Variants in ZNF654 observed in about 807,000 individuals in gnomAD.
ZNF654 encodes the protein zinc finger protein 654, also known as melanoma-associated antigen.
ZNF654 carries 19 observed loss-of-function variants against 95.3 expected under a neutral mutation model. The observed-to-expected ratio is 0.20, with a 90% CI of 0.14 to 0.29. The LOEUF (loss-of-function observed/expected upper bound fraction) is 0.29, where lower values mean the gene tolerates loss of function less well. Ranked by LOEUF, ZNF654 falls within the 10% of genes least tolerant of loss-of-function variation. ZNF654 has a pLI of 1.00. For synonymous variants in ZNF654, 413 were observed against 457.9 expected, an observed-to-expected ratio of 0.90 and a Z score of 1.25; for missense variants, 1,046 against 1,341.0, an observed-to-expected ratio of 0.78 and a Z score of 3.44.
At chr3:88,109,098 G>A (rs1257852107) in intron 2 of ZNF654, among the ~76,000 whole-genome samples, 1 of 151,794 alleles carries the variant, frequency 6.6e-6, no homozygotes, top group Non-Finnish European at 1.5e-5. Context: ...TCCAGTGGGA[G>A]GGAAGGGGTC....
chr3:88,102,272 C>T (rs1040883013), intron 2 of ZNF654, among the ~76,000 whole-genome samples: 1 of 152,164 alleles, frequency 6.6e-6, no homozygotes, highest in Non-Finnish European at 1.5e-5. Context: ...TTAGAAACCA[C>T]TATTGTGTTT....
intron 2 of ZNF654, among the ~76,000 whole-genome samples, chr3:88,087,322 A>G (rs1326434165): frequency 2.6e-5 from 4 of 152,072 alleles, no homozygotes; most frequent in Non-Finnish European, 4.4e-5. Flanking sequence ...TGATCTGCCC[A>G]CCTTGGCCTT....
intron 2 of ZNF654, among the ~76,000 whole-genome samples, chr3:88,089,173 T>C (rs1708504002): frequency 6.9e-6 from 1 of 145,856 alleles, no homozygotes; most frequent in African/African-American, 2.5e-5. Flanking sequence ...CTGGCAAGTC[T>C]TACTCAAGCT....
chr3:88,095,591 T>C, intron 2 of ZNF654: 1 of 521,842 alleles, frequency 1.9e-6, no homozygotes, highest in East Asian at 5.5e-5. Context: ...CACAGGAATC[T>C]GTTGCCCCAA....
chr3:88,097,118 C>T (rs557564306), intron 2 of ZNF654, among the ~76,000 whole-genome samples: 1 of 152,164 alleles, frequency 6.6e-6, no homozygotes, highest in South Asian at 2.1e-4. Flanking sequence ...ATCAACAACC[C>T]TTTAATGAAT....
chr3:88,122,104 A>G (rs1341298386), intron 3 of ZNF654, among the ~76,000 whole-genome samples: 1 of 152,172 alleles, frequency 6.6e-6, no homozygotes, highest in Non-Finnish European at 1.5e-5. Context: ...AGGAGAAGAA[A>G]TTAAGTTTAT....
rs1703948701 is a variant in ZNF654, at chr3:88,094,634, A to C, written c.332+8232A>C. ...TAGAGCAAAACAGCAGTTGACTACA[A>C]GCTACTATTAGGAAGATCTTTATTC... On this transcript the variant is annotated intron_variant, in intron 2 of 8. Coordinates refer to ENST00000636215, the MANE Select transcript of ZNF654 (RefSeq NM_001350134.2). Among the ~76,000 whole-genome samples the C allele has an allele frequency of 2.0e-5, 3 of 152,166 alleles. No individual in the cohort carries two copies. In the South Asian group the frequency reaches 6.2e-4, roughly 31 times the overall value.
At chr3:88,126,108 G>C in intron 3 of ZNF654, 26 bp from the exon 4 acceptor site, 1 of 1,449,512 alleles carries the variant, frequency 6.9e-7, no homozygotes, top group Non-Finnish European at 9.1e-7. Flanking sequence ...TAAATTCACA[G>C]AGCCAAAATG....
chr3:88,069,878 A>G (rs1247078546), intron 1 of ZNF654, among the ~76,000 whole-genome samples: 1 of 152,202 alleles, frequency 6.6e-6, no homozygotes, highest in African/African-American at 2.4e-5. Flanking sequence ...TGTTTATCCT[A>G]AATGATTAAA....
chr3:88,094,104 C>CT (rs11449650), intron 2 of ZNF654, among the ~76,000 whole-genome samples: 113,551 of 147,858 alleles, frequency 0.77, 43,994 homozygotes, highest in South Asian at 0.89. Context: ...AGATAATATT[C>CT]TTTTTTTTTT....
At chr3:88,076,805 A>G (rs1707828810) in intron 1 of ZNF654, among the ~76,000 whole-genome samples, 1 of 152,236 alleles carries the variant, frequency 6.6e-6, no homozygotes, top group Non-Finnish European at 1.5e-5. Context: ...AGGGATCTAA[A>G]TTCATCTAAA....
At chr3:88,107,049 G>T (rs1336365120) in intron 2 of ZNF654, among the ~76,000 whole-genome samples, 1 of 152,020 alleles carries the variant, frequency 6.6e-6, no homozygotes, top group Non-Finnish European at 1.5e-5. Context: ...CATTTCTCTT[G>T]TTTCATGTTT....
chr3:88,118,505 A>G (rs1213224586), intron 3 of ZNF654, among the ~76,000 whole-genome samples: 3 of 152,116 alleles, frequency 2.0e-5, no homozygotes, highest in African/African-American at 7.2e-5. Context: ...CAAACCTCCC[A>G]GATTTTATTA....
Position 88,139,551 on chromosome 3 carries a change from T to C in ZNF654, c.1882T>C (p.Phe628Leu), listed in dbSNP as rs1706992144. Residue 628 changes from phenylalanine to leucine, a missense_variant, in exon 8 of 9, where the codon TTT (phenylalanine) becomes CTT (leucine). Phe to Leu is a conservative substitution (Grantham distance 22, BLOSUM62 0). Transcript: ENST00000636215. Reference sequence around the variant, plus strand: ...AAATTGTTCTAGTTCTTCCATTTCATTTGAAAATGGGAATTCTGATAGTAA... The same window carrying C: ...AAATTGTTCTAGTTCTTCCATTTCACTTGAAAATGGGAATTCTGATAGTAA... ...EINCSSSSISFENGNSDSKDL... is the reference protein window; with the variant it reads ...EINCSSSSISLENGNSDSKDL... 1.2e-6 allele frequency: 2 copies of C among 1,613,522 alleles called. No individual in the cohort carries two copies. Among genetic ancestry groups the C allele is most frequent in the African/African-American group, 1.3e-5 (1 of 75,004 alleles).
intron 1 of ZNF654, among the ~76,000 whole-genome samples, chr3:88,071,002 G>A (rs190518195): frequency 1.0e-3 from 155 of 152,174 alleles, no homozygotes; most frequent in Admixed American, 3.8e-3. Context: ...GATATAAAAC[G>A]TAGGTAGAGA....
At chr3:88,091,015 T>C (rs1366651940) in intron 2 of ZNF654, among the ~76,000 whole-genome samples, 1 of 152,254 alleles carries the variant, frequency 6.6e-6, no homozygotes, top group Non-Finnish European at 1.5e-5. Context: ...TCTGTTTAGA[T>C]ACACAAATAC....
At chr3:88,094,744 TCTTGTGCTAAG>T (rs1703956783) in intron 2 of ZNF654, among the ~76,000 whole-genome samples, 1 of 152,138 alleles carries the variant, frequency 6.6e-6, no homozygotes, top group Admixed American at 6.6e-5. Context: ...AATGGCTTAA[TCTTGTGCTAAG>T]TCAGATCATT....
intron 1 of ZNF654, among the ~76,000 whole-genome samples, chr3:88,061,200 T>C (rs1706861453): frequency 6.6e-6 from 1 of 152,168 alleles, no homozygotes; most frequent in African/African-American, 2.4e-5. Flanking sequence ...TTTATATTTT[T>C]AATATATTCA....
chr3:88,100,823 G>A (rs1403928392), intron 2 of ZNF654, among the ~76,000 whole-genome samples: 4 of 152,122 alleles, frequency 2.6e-5, no homozygotes, highest in Non-Finnish European at 5.9e-5. Flanking sequence ...GGTGGGGAAA[G>A]CGGGGAGGGA....
Sources: gnomAD v4.1 joint callset for allele counts (sites outside exome capture counted in the v4.1 genomes callset) on GRCh38, gnomAD v4.1.1 for gene constraint, MANE v1.5 for transcripts, NCBI Gene and HGNC (gene_info 2026-07-23, HGNC 2026-07-21) for gene names.